Variants in PPM1J observed in about 807,000 individuals in gnomAD.
PPM1J encodes the protein protein phosphatase, Mg2+/Mn2+ dependent 1J.
Under a neutral mutation model 53.3 loss-of-function variants are expected in PPM1J, and 43 were observed. The ratio of observed to expected loss-of-function variants is 0.81; its 90% CI spans 0.63 to 1.04. PPM1J has a LOEUF of 1.04. Ranked by LOEUF, PPM1J falls within the 50% of genes least tolerant of loss-of-function variation. PPM1J has a pLI of 0.00. For missense variants in PPM1J, 635 were observed against 685.9 expected, an observed-to-expected ratio of 0.93 and a Z score of 0.83; for synonymous variants, 267 against 286.4, an observed-to-expected ratio of 0.93 and a Z score of 0.68.
chr1:112,712,605 C>T (rs1393631824), intron 3 of PPM1J, 139 bp downstream of exon 3: 4 of 1,140,272 alleles, frequency 3.5e-6, no homozygotes, highest in Non-Finnish European at 5.1e-6. Flanking sequence ...GTAACTGCCC[C>T]TTCTCCCTCC....
chr1:112,712,079 T>C, intron 4 of PPM1J, 24 bp from the exon 5 acceptor site: 4 of 1,579,216 alleles, frequency 2.5e-6, no homozygotes, highest in Non-Finnish European at 3.5e-6. Flanking sequence ...GAAAAGGAAT[T>C]GGGACCTGGT....
intron 1 of PPM1J, 37 bp downstream of exon 1, chr1:112,714,939 G>C (rs1435589099): frequency 3.7e-6 from 5 of 1,348,700 alleles, no homozygotes; most frequent in Non-Finnish European, 4.8e-6. Context: ...AGGGGTGGGA[G>C]CCCCATCCTG....
At chr1:112,711,466 C>T in intron 5 of PPM1J, 82 bp from the exon 6 acceptor site, 1 of 760,324 alleles carries the variant, frequency 1.3e-6, no homozygotes, top group Non-Finnish European at 2.2e-6. Context: ...ACGTTGACTA[C>T]AGCAGACCCT....
Position 112,714,955 on chromosome 1 carries a change from GGT to G in PPM1J, c.326+19_326+20del. On this transcript the variant is annotated intron_variant, in intron 1 of 9. Transcript: ENST00000309276. Reference sequence around the variant, plus strand: ...GGGGTGGGAGCCCCATCCTGGTTTGGGTGCCCCAGGGGGCGCTCACTCGGCGT... The same window carrying G: ...GGGGTGGGAGCCCCATCCTGGTTTGGGCCCCAGGGGGCGCTCACTCGGCGT... The G allele has an allele frequency of 7.3e-7, 1 of 1,368,988 alleles. No individual in the cohort carries two copies. The highest frequency in any genetic ancestry group is 9.4e-7 in the Non-Finnish European group (1 of 1,063,462). The allele number at this position is 1,368,988 out of a possible 1,614,324, so 84.8% of individuals were successfully genotyped here. A position where few individuals can be genotyped will look rare whatever the true frequency, so the allele number is the denominator to read the frequency against.
In PPM1J at chr1:112,715,322, TCGGCCG is replaced by T; in HGVS notation, c.-27_-22del. 1 of 1,228,132 alleles carries T rather than the reference TCGGCCG, an allele frequency of 8.1e-7. No individual in the cohort carries two copies. The highest frequency in any genetic ancestry group is 1.0e-6 in the Non-Finnish European group (1 of 985,232). 76.1% of individuals were successfully genotyped at this position (1,228,132 alleles called of 1,614,324 possible). ...AGCATGCTGCCTCCCTGCCCCGCCC[TCGGCCG>T]CGGCCCCGCCCCCGCCCAGGCCCCG... On this transcript the variant is annotated 5_prime_UTR_variant, in exon 1 of 10. Coordinates refer to ENST00000309276, the MANE Select transcript of PPM1J (RefSeq NM_005167.7). This position sits in a 1 kb window ranked among gnomAD's most constrained non-coding sequence, Gnocchi z 4.4.
intron 3 of PPM1J, 142 bp downstream of exon 3, chr1:112,712,602 C>A: frequency 8.9e-7 from 1 of 1,121,814 alleles, no homozygotes. Context: ...GGTGTAACTG[C>A]CCCTTCTCCC....
At chr1:112,713,635 C>A in intron 1 of PPM1J, 24 bp from the exon 2 acceptor site, 1 of 1,569,536 alleles carries the variant, frequency 6.4e-7, no homozygotes, top group Non-Finnish European at 8.8e-7. Context: ...ATGACCACAT[C>A]AGGTTGGACA....
intron 1 of PPM1J, chr1:112,713,968 C>T: frequency 2.9e-6 from 3 of 1,033,258 alleles, no homozygotes; most frequent in Non-Finnish European, 3.7e-6. Context: ...TTTTACTTCC[C>T]TGCTAGCTAG....
At position 112,712,425 on chromosome 1, in the gene PPM1J, G is replaced by A; in HGVS notation, c.762C>T (p.His254=). 1 of 1,613,864 alleles carries A rather than the reference G, an allele frequency of 6.2e-7. No homozygotes were observed. Among genetic ancestry groups the A allele is most frequent in the Non-Finnish European group, 8.5e-7 (1 of 1,179,950 alleles). ...GTGCACAGCAGCCCCCCTCCACTTG[G>A]TGGCCACGCCGCTCCCGGGCCATCT... ...DEQMARERRG[H]QVEGGCCALV... is the part of the protein sequence containing the mutation. Residue 254 remains histidine, a synonymous_variant, in exon 4 of 10, where the codon CAC becomes CAT. Transcript: ENST00000309276.
At position 112,715,160 on chromosome 1, in the gene PPM1J, C is replaced by T. The variant is rs202014134; in HGVS notation, c.142G>A (p.Ala48Thr). The T allele has an allele frequency of 4.5e-4, 677 of 1,520,484 alleles. 4 individuals are homozygous for T. The highest frequency in any genetic ancestry group is 1.5e-3 in the Middle Eastern group (8 of 5,392). 94.2% of individuals were successfully genotyped at this position (1,520,484 alleles called of 1,614,324 possible). The change falls in exon 1 of 10, where the codon GCG becomes ACG. Residue 48 changes from alanine (A) to threonine (T), a missense_variant. Transcript: ENST00000309276. This position sits in a 1 kb window ranked among gnomAD's most constrained non-coding sequence, Gnocchi z 4.4. ...AAPEAPRSPP[A>T]KAGSGSATPA... Reference sequence around the variant, plus strand: ...GTCGCGCTCCCGCTCCCAGCCTTCGCGGGAGGGCTCCTGGGCGCTTCTGGA... The same window carrying T: ...GTCGCGCTCCCGCTCCCAGCCTTCGTGGGAGGGCTCCTGGGCGCTTCTGGA...
rs773965437 is a variant in PPM1J, at chr1:112,715,188, G to T, written c.114C>A (p.Ala38=). 8 of 1,472,918 alleles carry T rather than the reference G, an allele frequency of 5.4e-6. No individual in the cohort carries two copies. Among genetic ancestry groups the T allele is most frequent in the Middle Eastern group, 2.1e-4 (1 of 4,686 alleles). 91.2% of individuals were successfully genotyped at this position (1,472,918 alleles called of 1,614,324 possible). A position where few individuals can be genotyped will look rare whatever the true frequency, so the allele number is the denominator to read the frequency against. The change falls in exon 1 of 10, where the codon GCC becomes GCA. Residue 38 remains alanine, a synonymous_variant. Coordinates refer to ENST00000309276, the MANE Select transcript of PPM1J (RefSeq NM_005167.7). This position sits in a 1 kb window ranked among gnomAD's most constrained non-coding sequence, Gnocchi z 4.4. ...LPNAASAPPA[A]APEAPRSPPA... is the part of the protein sequence containing the mutation. ...GAGGGCTCCTGGGCGCTTCTGGAGC[G>T]GCGGCGGGCGGCGCCGAGGCGGCGT...
Position 112,712,888 on chromosome 1 carries a change from G to A in PPM1J, c.585C>T (p.Pro195=), listed in dbSNP as rs751218200. 5 of 1,614,036 alleles carry A rather than the reference G, an allele frequency of 3.1e-6. No homozygotes were observed. The highest frequency in any genetic ancestry group is 4.2e-6 in the Non-Finnish European group (5 of 1,180,032). ...TCCCCGGAGTGGTTGGGAGGCAGAGGGGTGGTGGCGAAGGGTCCTGAAGTA... is the reference window on the plus strand; with the variant it reads ...TCCCCGGAGTGGTTGGGAGGCAGAGAGGTGGTGGCGAAGGGTCCTGAAGTA... ...VEILQDPSPP[P]LCLPTTPGTP... The change falls in exon 3 of 10, where the codon CCC becomes CCT. Residue 195 remains proline, a synonymous_variant. Coordinates refer to ENST00000309276, the MANE Select transcript of PPM1J (RefSeq NM_005167.7).
chr1:112,715,225 G>C lies in PPM1J; in HGVS notation c.77C>G (p.Pro26Arg), dbSNP rs775583142. The C allele has an allele frequency of 7.1e-7, 1 of 1,401,994 alleles. No homozygotes were observed. Among genetic ancestry groups the C allele is most frequent in the Non-Finnish European group, 9.2e-7 (1 of 1,089,396 alleles). The allele number at this position is 1,401,994 out of a possible 1,614,324, so 86.8% of individuals were successfully genotyped here. ...GGAPPPRPKS[P>R]DLPNAASAPP... ...CGCCGAGGCGGCGTTGGGCAGGTCCGGGGATTTGGGGCGCGGAGGCGGAGC... is the reference window on the plus strand; with the variant it reads ...CGCCGAGGCGGCGTTGGGCAGGTCCCGGGATTTGGGGCGCGGAGGCGGAGC... The change falls in exon 1 of 10, where the codon CCG becomes CGG. Residue 26 changes from proline to arginine, a missense_variant. Pro to Arg is a moderately radical substitution (Grantham distance 103, BLOSUM62 -2). Transcript: ENST00000309276. This position sits in a 1 kb window ranked among gnomAD's most constrained non-coding sequence, Gnocchi z 4.4.
Position 112,710,619 on chromosome 1 carries a change from G to A in PPM1J, c.1219-8C>T, listed in dbSNP as rs747938036. 3 of 1,614,138 alleles carry A rather than the reference G, an allele frequency of 1.9e-6. No homozygotes were observed. In the South Asian group the frequency reaches 3.3e-5, roughly 18 times the overall value. ...CAGGTCATACACTCGTACCTGGTGG[G>A]AGAAAAGGGCAGAGAGGATTGAGGT... On this transcript the variant is annotated splice_region_variant and splice_polypyrimidine_tract_variant and intron_variant, in intron 8 of 9. Coordinates refer to ENST00000309276, the MANE Select transcript of PPM1J (RefSeq NM_005167.7).
At position 112,715,277 on chromosome 1, in the gene PPM1J, C is replaced by T. The variant is rs1675175664; in HGVS notation, c.25G>A (p.Val9Met). 7.6e-7 allele frequency: 1 copy of T among 1,318,916 alleles called. No homozygotes were observed. Among genetic ancestry groups the T allele is most frequent in the Non-Finnish European group, 9.6e-7 (1 of 1,038,092 alleles). The allele number at this position is 1,318,916 out of a possible 1,614,324, so 81.7% of individuals were successfully genotyped here. A position where few individuals can be genotyped will look rare whatever the true frequency, so the allele number is the denominator to read the frequency against. Reference sequence around the variant, plus strand: ...CCCCCGGAGCTCACCAGGTGCGCCACGGCCGAGCGCACCCGGTTTAGCATG... The same window carrying T: ...CCCCCGGAGCTCACCAGGTGCGCCATGGCCGAGCGCACCCGGTTTAGCATG... MLNRVRSA[V>M]AHLVSSGGAP... The change falls in exon 1 of 10, where the codon GTG becomes ATG. Residue 9 changes from valine (V) to methionine (M), a missense_variant. By Grantham distance (21) the Val-to-Met change is conservative. Coordinates refer to ENST00000309276, the MANE Select transcript of PPM1J (RefSeq NM_005167.7). This position sits in a 1 kb window ranked among gnomAD's most constrained non-coding sequence, Gnocchi z 4.4.
Position 112,715,227 on chromosome 1 carries a change from G to C in PPM1J, c.75C>G (p.Ser25=). Residue 25 remains serine, a synonymous_variant, in exon 1 of 10, where the codon TCC becomes TCG. Coordinates refer to ENST00000309276, the MANE Select transcript of PPM1J (RefSeq NM_005167.7). The surrounding 1 kb of genome is among the most constrained non-coding windows in gnomAD (Gnocchi z 4.4). The part of the protein sequence containing the change: ...SGGAPPPRPK[S]PDLPNAASAP... Reference sequence around the variant, plus strand: ...CCGAGGCGGCGTTGGGCAGGTCCGGGGATTTGGGGCGCGGAGGCGGAGCGC... The same window carrying C: ...CCGAGGCGGCGTTGGGCAGGTCCGGCGATTTGGGGCGCGGAGGCGGAGCGC... 7.1e-7 allele frequency: 1 copy of C among 1,402,270 alleles called. No individual in the cohort carries two copies. The highest frequency in any genetic ancestry group is 9.2e-7 in the Non-Finnish European group (1 of 1,089,520). 86.9% of individuals were successfully genotyped at this position (1,402,270 alleles called of 1,614,324 possible).
intron 3 of PPM1J, 143 bp downstream of exon 3, chr1:112,712,601 G>T: frequency 8.9e-7 from 1 of 1,118,442 alleles, no homozygotes; most frequent in Non-Finnish European, 1.3e-6. Context: ...GGGTGTAACT[G>T]CCCCTTCTCC....
chr1:112,712,315 G>A (rs1675082253), intron 4 of PPM1J, 30 bp downstream of exon 4: 1 of 1,520,238 alleles, frequency 6.6e-7, no homozygotes, highest in African/African-American at 1.4e-5. Flanking sequence ...GTGGCCCTCT[G>A]TCGCCACCTT....
In PPM1J at chr1:112,712,771, C is replaced by T; in HGVS notation, c.702G>A (p.Gly234=). The T allele has an allele frequency of 1.9e-6, 3 of 1,611,656 alleles. No individual in the cohort carries two copies. The highest frequency in any genetic ancestry group is 2.5e-6 in the Non-Finnish European group (3 of 1,179,488). ...KEVSHESLVV[G]AVENAFQLMD... The stretch of plus-strand genomic sequence containing the variant: ...TGAGCTGGAAGGCATTCTCAACGGC[C>T]CCCACTACCAGGCTCTCGTGGCTCA... Residue 234 remains glycine, a synonymous_variant, in exon 3 of 10, where the codon GGG becomes GGA. Transcript: ENST00000309276.
Sources: allele counts gnomAD v4.1 joint callset, GRCh38; gene constraint gnomAD v4.1.1; non-coding constraint Gnocchi (gnomAD v3.1); transcripts MANE v1.5; gene names NCBI Gene and HGNC (gene_info 2026-07-23, HGNC 2026-07-21).